KDM6A: variants seen among roughly 807,000 people sequenced by gnomAD.
KDM6A encodes the protein lysine-specific demethylase 6A.
In KDM6A, 11 loss-of-function variants were observed where a neutral mutation model predicts 117.6. The observed-to-expected ratio is 0.09, with a 90% confidence interval of 0.06 to 0.15. KDM6A has a LOEUF of 0.15. KDM6A is among the 10% of genes least tolerant of loss of function. The pLI, the probability that KDM6A is intolerant of heterozygous loss-of-function variation, is 1.00. For missense variants in KDM6A, 799 were observed against 1,077.3 expected, an observed-to-expected ratio of 0.74 and a Z score of 3.62; for synonymous variants, 384 against 396.1, an observed-to-expected ratio of 0.97 and a Z score of 0.36.
At chrX:44,930,374 A>G (rs1020326793) in intron 2 of KDM6A, among the ~76,000 whole-genome samples, 24 of 111,618 alleles carry the variant, frequency 2.2e-4, no homozygotes, top group African/African-American at 7.5e-4. Context: ...TTAGAATTCT[A>G]TTTTTATAAA....
At chrX:44,996,079 A>G (rs1240426039) in intron 4 of KDM6A, among the ~76,000 whole-genome samples, 1 of 109,511 alleles carries the variant, frequency 9.1e-6, no homozygotes, top group Non-Finnish European at 1.9e-5. Flanking sequence ...ATATTTGTTT[A>G]TTTGTTTTAA....
intron 2 of KDM6A, among the ~76,000 whole-genome samples, chrX:44,899,417 T>C (rs925130678): frequency 4.5e-5 from 5 of 109,928 alleles, no homozygotes; most frequent in African/African-American, 6.6e-5. Flanking sequence ...GGAGGGTGTG[T>C]GTGTATATGT....
At chrX:45,060,872 T>A (rs2044260319) in intron 14 of KDM6A, 108 bp downstream of exon 14, 2 of 458,275 alleles carry the variant, frequency 4.4e-6, no homozygotes, top group Non-Finnish European at 6.6e-6. Context: ...TTTGTGGACA[T>A]CAAAGAGTGA....
chrX:45,035,204 G>C (rs1313334778), intron 7 of KDM6A, among the ~76,000 whole-genome samples: 1 of 111,829 alleles, frequency 8.9e-6, no homozygotes, highest in Admixed American at 9.5e-5. Context: ...GTGAGTTGTT[G>C]AATTAAAAGT....
At position 44,874,036 on chromosome X, in the gene KDM6A, C is replaced by A. The variant is rs1225070778; in HGVS notation, c.225+49C>A. On this transcript the variant is annotated intron_variant, in intron 2 of 29. Coordinates refer to ENST00000611820, the MANE Select transcript of KDM6A (RefSeq NM_001291415.2). ...GCGGACACCGTCTCCCTGGCCGGCG[C>A]CGCGCTCGCCCCGGGCCCCGCGGCC... 4.5e-6 allele frequency: 5 copies of A among 1,118,458 alleles called. No homozygotes were observed. The South Asian group carries it at 9.3e-5, about 21-fold the overall frequency. The allele number at this position is 1,118,458 out of a possible 1,213,427, so 92.2% of individuals were successfully genotyped here.
At chrX:44,992,513 G>A (rs1184105705) in intron 4 of KDM6A, among the ~76,000 whole-genome samples, 2 of 108,330 alleles carry the variant, frequency 1.8e-5, no homozygotes, top group African/African-American at 3.4e-5. Flanking sequence ...GTGAGCCAAC[G>A]TGCCTGGCCA....
intron 4 of KDM6A, among the ~76,000 whole-genome samples, chrX:44,983,965 A>G (rs2040048605): frequency 9.1e-6 from 1 of 110,153 alleles, no homozygotes; most frequent in Non-Finnish European, 1.9e-5. Context: ...TTCTAGTTCT[A>G]GATCCCTGAG....
intron 5 of KDM6A, among the ~76,000 whole-genome samples, chrX:45,014,323 A>T (rs1271585113): frequency 9.0e-6 from 1 of 111,526 alleles, no homozygotes; most frequent in Admixed American, 9.5e-5. Flanking sequence ...TAGTTCAATT[A>T]TTTGGTCAGT....
At chrX:45,026,401 G>T (rs1291647382) in intron 6 of KDM6A, among the ~76,000 whole-genome samples, 1 of 111,837 alleles carries the variant, frequency 8.9e-6, no homozygotes, top group East Asian at 2.8e-4. Flanking sequence ...AAGATATTTA[G>T]GCAGAAGGAA....
intron 3 of KDM6A, among the ~76,000 whole-genome samples, chrX:44,966,869 C>CTTTT (rs1228583337): frequency 4.6e-4 from 41 of 88,915 alleles, no homozygotes; most frequent in African/African-American, 1.1e-3. Flanking sequence ...CTCTCTCTCT[C>CTTTT]TTTTTTTTTT....
chrX:45,020,802 T>C, intron 6 of KDM6A, 72 bp downstream of exon 6: 1 of 1,096,747 alleles, frequency 9.1e-7, no homozygotes, highest in Non-Finnish European at 1.3e-6. Context: ...TTCTTAAATA[T>C]TAGAGCATTG....
Position 45,063,737 on chromosome X carries a change from C to T in KDM6A, c.1999C>T (p.Leu667Phe), listed in dbSNP as rs112725812. ...GNVPYLQRNA[L>F]TLPHNRTNLT... ...CGTGCCTTACCTGCAGCGAAACGCA[C>T]TCACTCTACCTCATAACCGCACAAA... Residue 667 changes from leucine to phenylalanine, a missense_variant, in exon 17 of 30, where the codon CTC (leucine) becomes TTC (phenylalanine). By Grantham distance (22) the Leu-to-Phe change is conservative. Transcript: ENST00000611820. 2 of 1,207,009 alleles carry T rather than the reference C, an allele frequency of 1.7e-6. No homozygotes were observed. Among genetic ancestry groups the T allele is most frequent in the Non-Finnish European group, 1.1e-6 (1 of 892,635 alleles).
rs1219259563 is a variant in KDM6A, at chrX:45,069,596, G to C, written c.2097G>C (p.Gln699His). ...CTTTTTAGGGGCTTCACAAAGGTCA[G>C]AGTTCACATTCGGCAGGTCCTAATG... Reference protein sequence around the residue: ...SNSTQGLHKGQSSHSAGPNGE... With the variant: ...SNSTQGLHKGHSSHSAGPNGE... The change falls in exon 18 of 30, where the codon CAG (glutamine) becomes CAC (histidine). Residue 699 changes from glutamine (Q) to histidine (H), a missense_variant. Gln to His is a conservative substitution (Grantham distance 24, BLOSUM62 0). This residue lies in a region of KDM6A where 301 missense variants were observed against 318.3 expected (regional missense o/e 0.95). Transcript: ENST00000611820. The C allele has an allele frequency of 4.1e-6, 5 of 1,210,301 alleles. No individual in the cohort carries two copies. The South Asian group carries it at 7.0e-5, about 17-fold the overall frequency.
chrX:45,040,380 G>A (rs1229812535), intron 8 of KDM6A, among the ~76,000 whole-genome samples: 2 of 92,048 alleles, frequency 2.2e-5, no homozygotes, highest in Non-Finnish European at 4.4e-5. Context: ...CGGACAGGGC[G>A]GCTGGCCAGG....
chrX:45,080,140 T>C lies in KDM6A; in HGVS notation c.3300+789T>C, dbSNP rs185434551. Among the ~76,000 whole-genome samples the C allele has an allele frequency of 5.4e-5, 6 of 111,083 alleles. No homozygotes were observed. The East Asian group carries it at 1.7e-3, about 31-fold the overall frequency. On this transcript the variant is annotated intron_variant, in intron 21 of 29. Coordinates refer to ENST00000611820, the MANE Select transcript of KDM6A (RefSeq NM_001291415.2). ...TCACTCCTGGTTGAGAACTACTGAT[T>C]TAGAGGATAAACTAAGTCTCAAGTT...
intron 24 of KDM6A, among the ~76,000 whole-genome samples, chrX:45,085,452 A>G (rs1483564719): frequency 9.0e-6 from 1 of 111,638 alleles, no homozygotes; most frequent in Non-Finnish European, 1.9e-5. Context: ...AAGCACTGTT[A>G]TATGCATTCA....
At chrX:44,944,044 A>G (rs1308172778) in intron 2 of KDM6A, among the ~76,000 whole-genome samples, 1 of 111,475 alleles carries the variant, frequency 9.0e-6, no homozygotes, top group Non-Finnish European at 1.9e-5. Flanking sequence ...GTAGCTTTAT[A>G]ATAGGTCTTA....
intron 3 of KDM6A, among the ~76,000 whole-genome samples, chrX:44,973,598 G>C (rs981337557): frequency 9.0e-6 from 1 of 110,637 alleles, no homozygotes; most frequent in African/African-American, 3.3e-5. Flanking sequence ...TTACATATCT[G>C]TTGTAGGACC....
chrX:45,053,769 C>G, intron 9 of KDM6A, 60 bp from the exon 10 acceptor site: 1 of 964,906 alleles, frequency 1.0e-6, no homozygotes, highest in Non-Finnish European at 1.5e-6. Context: ...GCTTCGTATT[C>G]TTAAACATAG....
Sources: gnomAD v4.1 joint callset for allele counts (sites outside exome capture counted in the v4.1 genomes callset) on GRCh38, gnomAD v4.1.1 for gene constraint, gnomAD v4.1.1 regional missense constraint, MANE v1.5 for transcripts, NCBI Gene and HGNC (gene_info 2026-07-23, HGNC 2026-07-21) for gene names.